FER: variants seen among roughly 807,000 people sequenced by gnomAD.
FER encodes tyrosine-protein kinase Fer.
Under a neutral mutation model 111.0 loss-of-function variants are expected in FER, and 63 were observed. The observed-to-expected ratio is 0.57, with a 90% CI of 0.46 to 0.70. FER has a LOEUF of 0.70. FER is among the 30% of genes least tolerant of loss of function. FER has a pLI of 0.00. For synonymous variants in FER, 327 were observed against 313.9 expected, an observed-to-expected ratio of 1.04 and a Z score of -0.44; for missense variants, 914 against 954.0, an observed-to-expected ratio of 0.96 and a Z score of 0.55.
intron 13 of FER, among the ~76,000 whole-genome samples, chr5:109,012,435 C>A (rs142303326): frequency 4.2e-3 from 639 of 152,302 alleles, no homozygotes; most frequent in Admixed American, 6.9e-3. Context: ...TATTTTGAGG[C>A]TAAATATGAA....
intron 1 of FER, among the ~76,000 whole-genome samples, chr5:108,750,979 G>C (rs112828293): frequency 6.6e-6 from 1 of 152,094 alleles, no homozygotes; most frequent in Non-Finnish European, 1.5e-5. Flanking sequence ...GATCACCTGA[G>C]GTCGGGAGTT....
chr5:109,042,552 G>A (rs1466168190), intron 14 of FER, among the ~76,000 whole-genome samples: 1 of 152,134 alleles, frequency 6.6e-6, no homozygotes, highest in Middle Eastern at 3.2e-3. Flanking sequence ...GACATTCTCT[G>A]GATAGTGGTT....
chr5:108,893,434 A>G (rs1748504600), intron 9 of FER, among the ~76,000 whole-genome samples: 1 of 151,608 alleles, frequency 6.6e-6, no homozygotes, highest in Non-Finnish European at 1.5e-5. Flanking sequence ...CTACAAGTAT[A>G]ATAGTTTGAG....
intron 16 of FER, among the ~76,000 whole-genome samples, chr5:109,068,284 A>G (rs1420145620): frequency 1.3e-5 from 2 of 151,830 alleles, no homozygotes; most frequent in African/African-American, 4.8e-5. Flanking sequence ...TCCGGGTTCA[A>G]GCAATTCTCC....
At chr5:109,162,892 A>G (rs1470176668) in intron 17 of FER, among the ~76,000 whole-genome samples, 1 of 151,912 alleles carries the variant, frequency 6.6e-6, no homozygotes, top group East Asian at 1.9e-4. Context: ...AAATGCACCA[A>G]TTTTAAGGTA....
At chr5:109,051,876 C>G in intron 16 of FER, 1 of 1,558,058 alleles carries the variant, frequency 6.4e-7, no homozygotes, top group Non-Finnish European at 8.9e-7. Context: ...AGCAGTCCAC[C>G]TGATGTGGGC....
At chr5:108,969,654 T>C (rs1561695335) in intron 13 of FER, among the ~76,000 whole-genome samples, 1 of 147,668 alleles carries the variant, frequency 6.8e-6, no homozygotes, top group Non-Finnish European at 1.5e-5. Context: ...AAAGGTAAGA[T>C]TAAGAAATAT....
At chr5:108,992,745 G>T (rs1346320757) in intron 13 of FER, among the ~76,000 whole-genome samples, 1 of 151,858 alleles carries the variant, frequency 6.6e-6, no homozygotes, top group Non-Finnish European at 1.5e-5. Flanking sequence ...TCCCAGACGG[G>T]GTGGCTGCCG....
At chr5:108,813,432 C>T (rs1161446990) in intron 3 of FER, among the ~76,000 whole-genome samples, 1 of 152,108 alleles carries the variant, frequency 6.6e-6, no homozygotes, top group Non-Finnish European at 1.5e-5. Context: ...TTTTCATCAA[C>T]TTTGGAAAGT....
intron 17 of FER, among the ~76,000 whole-genome samples, chr5:109,166,494 C>G (rs988027906): frequency 3.3e-5 from 5 of 152,158 alleles, no homozygotes; most frequent in Non-Finnish European, 7.3e-5. Context: ...TACTGTTGAG[C>G]TATCATTTGC....
rs1754512907 is a variant in FER, at chr5:108,784,946, GAGA to G, written c.-59-13177_-59-13175del. On this transcript the variant is annotated intron_variant, in intron 2 of 19. Transcript: ENST00000281092. ...ATCATGAACATATCACAGTGCTGCA[GAGA>G]TTTTATGGCCAGTTTTGGGGCCAGT... 3 of 206,170 alleles carry G rather than the reference GAGA, an allele frequency of 1.5e-5. No homozygotes were observed. The South Asian group carries it at 3.6e-4, about 25-fold the overall frequency. 12.8% of individuals were successfully genotyped at this position (206,170 alleles called of 1,614,324 possible). A position where few individuals can be genotyped will look rare whatever the true frequency, so the allele number is the denominator to read the frequency against.
At chr5:108,951,423 T>G (rs963978247) in intron 11 of FER, among the ~76,000 whole-genome samples, 2 of 152,098 alleles carry the variant, frequency 1.3e-5, no homozygotes, top group Non-Finnish European at 1.5e-5. Flanking sequence ...ATCTAGTGCC[T>G]TAGACCACTT....
intron 6 of FER, among the ~76,000 whole-genome samples, chr5:108,870,730 A>G (rs1452116632): frequency 2.6e-5 from 4 of 152,128 alleles, no homozygotes; most frequent in South Asian, 2.1e-4. Flanking sequence ...ACAGTGACCT[A>G]TGGCATATTT....
intron 5 of FER, among the ~76,000 whole-genome samples, chr5:108,851,886 C>T (rs1762576407): frequency 6.6e-6 from 1 of 152,160 alleles, no homozygotes; most frequent in Non-Finnish European, 1.5e-5. Context: ...CTGAATGCTT[C>T]TGCTTTATCA....
At chr5:109,060,809 A>G (rs551880166) in intron 16 of FER, among the ~76,000 whole-genome samples, 2 of 151,410 alleles carry the variant, frequency 1.3e-5, no homozygotes, top group East Asian at 3.9e-4. Flanking sequence ...ACACATATGT[A>G]AACATCTACA....
At chr5:108,995,963 T>C (rs891045083) in intron 13 of FER, among the ~76,000 whole-genome samples, 5 of 152,234 alleles carry the variant, frequency 3.3e-5, no homozygotes, top group Non-Finnish European at 7.3e-5. Flanking sequence ...CCATTCTAAC[T>C]GGTGTGAGAT....
intron 9 of FER, among the ~76,000 whole-genome samples, chr5:108,888,685 C>T (rs750269565): frequency 6.6e-6 from 1 of 151,748 alleles, no homozygotes; most frequent in Non-Finnish European, 1.5e-5. Flanking sequence ...GTATTATAAA[C>T]ATAATTGTAT....
chr5:109,124,940 G>T (rs1425191500), intron 17 of FER, among the ~76,000 whole-genome samples: 2 of 151,552 alleles, frequency 1.3e-5, no homozygotes, highest in South Asian at 4.2e-4. Context: ...CAGCTACTCG[G>T]GAGGCTGAGG....
At chr5:108,804,803 G>A (rs1447486745) in intron 3 of FER, among the ~76,000 whole-genome samples, 1 of 152,008 alleles carries the variant, frequency 6.6e-6, no homozygotes, top group Non-Finnish European at 1.5e-5. Context: ...GCAGTTTTCT[G>A]CTTTTGTTGT....
Sources: gnomAD v4.1 joint callset for allele counts (sites outside exome capture counted in the v4.1 genomes callset) on GRCh38, gnomAD v4.1.1 for gene constraint, MANE v1.5 for transcripts, NCBI Gene and HGNC (gene_info 2026-07-23, HGNC 2026-07-21) for gene names.